MCF2L: variants seen among roughly 807,000 people sequenced by gnomAD.
MCF2L encodes MCF.2 cell line derived transforming sequence like.
A neutral mutation model predicts 153.4 loss-of-function variants in MCF2L; 97 were observed. The observed-to-expected ratio is 0.63, with a 90% CI of 0.54 to 0.75. The LOEUF (loss-of-function observed/expected upper bound fraction) is 0.75, where lower values mean the gene tolerates loss of function less well. MCF2L is among the 30% of genes least tolerant of loss of function. The probability of loss-of-function intolerance (pLI) is 0.00; values close to 1 mark genes in which losing one functional copy is unlikely to be tolerated. For missense variants in MCF2L, 1,347 were observed against 1,495.2 expected (o/e 0.90, Z 1.64); for synonymous variants, 659 against 632.2 (o/e 1.04, Z -0.64).
Position 113,098,850 on chromosome 13 carries a change from T to C in MCF2L, c.*1991T>C, listed in dbSNP as rs2181540. On this transcript the variant is annotated 3_prime_UTR_variant, in exon 30 of 30. Coordinates refer to ENST00000535094, the MANE Select transcript of MCF2L (RefSeq NM_001112732.3). ...ACTCTCCAGACCAGAAAAGGGAGCA[T>C]AAAGAAAGGGTATTGATCCAATAGA... is the stretch of plus-strand genomic sequence containing the variant. The C allele has an allele frequency of 0.15, 22,195 of 152,016 alleles. 1,823 individuals carry two copies. Among genetic ancestry groups the C allele is most frequent in the South Asian group, 0.28 (1,331 of 4,810 alleles). The allele number at this position is 152,016 out of a possible 1,614,324, so 9.4% of individuals were successfully genotyped here.
At chr13:112,961,626 C>T (rs998585822) in intron 2 of MCF2L, among the ~76,000 whole-genome samples, 8 of 152,250 alleles carry the variant, frequency 5.3e-5, no homozygotes, top group Admixed American at 3.3e-4. Context: ...ATGGCCTGGC[C>T]GGGACCTGCA....
At chr13:112,961,307 C>A (rs1004136703) in intron 2 of MCF2L, among the ~76,000 whole-genome samples, 3 of 152,238 alleles carry the variant, frequency 2.0e-5, no homozygotes, top group African/African-American at 4.8e-5. Flanking sequence ...TTGAAAGTGT[C>A]GAGTGATCTT....
At chr13:112,995,640 G>A (rs965511022) in intron 1 of MCF2L, among the ~76,000 whole-genome samples, 7 of 152,226 alleles carry the variant, frequency 4.6e-5, no homozygotes, top group Admixed American at 1.3e-4. Context: ...GTGTGGGACC[G>A]TGCGGGATGC....
chr13:113,087,705 A>G lies in MCF2L; in HGVS notation c.2596-2A>G, dbSNP rs1174904199. 6.2e-7 allele frequency: 1 copy of G among 1,613,638 alleles called. No homozygotes were observed. Among genetic ancestry groups the G allele is most frequent in the Non-Finnish European group, 8.5e-7 (1 of 1,179,682 alleles). ...AACCCCATCTCCACTCTCTGCTCGC[A>G]GATGGCTGCCGTTGGCATTACGGAG... On this transcript the variant is annotated splice_acceptor_variant, in intron 22 of 29. Coordinates refer to ENST00000535094, the MANE Select transcript of MCF2L (RefSeq NM_001112732.3). LOFTEE classifies it high-confidence loss of function.
chr13:113,014,678 C>A, intron 1 of MCF2L, 85 bp from the exon 2 acceptor site: 2 of 1,164,572 alleles, frequency 1.7e-6, no homozygotes, highest in Admixed American at 1.8e-5. Context: ...TGTGGATGTG[C>A]CAGCTCCGTG....
chr13:113,088,675 C>T lies in MCF2L; in HGVS notation c.2834+47C>T, dbSNP rs376621213. The T allele has an allele frequency of 5.0e-5, 79 of 1,577,682 alleles. 1 individual carries two copies. Among genetic ancestry groups the T allele is most frequent in the Non-Finnish European group, 6.2e-5 (72 of 1,165,790 alleles). On this transcript the variant is annotated intron_variant, in intron 25 of 29. Coordinates refer to ENST00000535094, the MANE Select transcript of MCF2L (RefSeq NM_001112732.3). The stretch of plus-strand genomic sequence containing the variant: ...CAGGCCTGCGTTTCTGGAGCAGTCC[C>T]GAGCAGGCCATTTGCACGCCAGGGT...
chr13:112,920,939 A>G (rs2081345953), intron 2 of MCF2L, among the ~76,000 whole-genome samples: 1 of 151,942 alleles, frequency 6.6e-6, no homozygotes, highest in Non-Finnish European at 1.5e-5. Context: ...AGGCCGAGGC[A>G]GGCGGATCAC....
chr13:113,096,550 G>T lies in MCF2L; in HGVS notation c.3189G>T (p.Trp1063Cys). Residue 1063 changes from tryptophan (W) to cysteine (C), a missense_variant and splice_region_variant, in exon 29 of 30, where the codon TGG becomes TGT. Trp to Cys is a radical substitution (Grantham distance 215). Transcript: ENST00000535094. ...ELVQEGDEGLWYVRDPTTGKE... is the reference protein window; with the variant it reads ...ELVQEGDEGLCYVRDPTTGKE... ...TGCCGCTGACCCTCGCCCCTTGCAG[G>T]TACGTCAGGGACCCGACCACTGGCA... 1 of 1,603,356 alleles carries T rather than the reference G, an allele frequency of 6.2e-7. No individual in the cohort carries two copies. Among genetic ancestry groups the T allele is most frequent in the African/African-American group, 1.3e-5 (1 of 74,930 alleles).
At chr13:113,071,376 A>G (rs773297387) in intron 9 of MCF2L, among the ~76,000 whole-genome samples, 1 of 152,168 alleles carries the variant, frequency 6.6e-6, no homozygotes, top group Non-Finnish European at 1.5e-5. Flanking sequence ...CCTCTTTAAC[A>G]GGGTTTTTCA....
intron 1 of MCF2L, among the ~76,000 whole-genome samples, chr13:112,994,785 AC>A (rs2083052563): frequency 6.6e-6 from 1 of 152,150 alleles, no homozygotes; most frequent in African/African-American, 2.4e-5. Context: ...GGTCCCATCT[AC>A]ACAGGTCGGG....
intron 2 of MCF2L, among the ~76,000 whole-genome samples, chr13:113,020,448 T>A (rs1054658463): frequency 1.6e-4 from 25 of 152,234 alleles, no homozygotes; most frequent in Non-Finnish European, 5.9e-5. Flanking sequence ...CTCAGGCTGC[T>A]TGCTGTGACA....
At position 113,097,101 on chromosome 13, in the gene MCF2L, G is replaced by C. The variant is rs1270453062; in HGVS notation, c.*242G>C. 1 of 344,978 alleles carries C rather than the reference G, an allele frequency of 2.9e-6. No individual in the cohort carries two copies. The highest frequency in any genetic ancestry group is 5.2e-6 in the Non-Finnish European group (1 of 192,182). 21.4% of individuals were successfully genotyped at this position (344,978 alleles called of 1,614,324 possible). A position where few individuals can be genotyped will look rare whatever the true frequency, so the allele number is the denominator to read the frequency against. On this transcript the variant is annotated 3_prime_UTR_variant, in exon 30 of 30. Transcript: ENST00000535094. ...GGGGCCGCAGGGAACAGCCCCGGGC[G>C]GCAGGCGCCGGGCAGCGGCATCTCG...
Position 113,031,819 on chromosome 13 carries a change from A to G in MCF2L, c.278+7061A>G, listed in dbSNP as rs1205358718. 6.6e-6 allele frequency among the ~76,000 whole-genome samples: 1 copy of G among 152,190 alleles called. No homozygotes were observed. Among genetic ancestry groups the G allele is most frequent in the East Asian group, 1.9e-4 (1 of 5,150 alleles). On this transcript the variant is annotated intron_variant, in intron 3 of 29. Coordinates refer to ENST00000535094, the MANE Select transcript of MCF2L (RefSeq NM_001112732.3). This position sits in a 1 kb window ranked among gnomAD's most constrained non-coding sequence, Gnocchi z 5.5. The stretch of plus-strand genomic sequence containing the variant: ...GGGTCACATTCAGCCCATAAGAGGC[A>G]TGTACACATACAGATGCACACACGC...
chr13:113,072,591 G>A (rs1339458243), intron 9 of MCF2L, among the ~76,000 whole-genome samples: 1 of 152,164 alleles, frequency 6.6e-6, no homozygotes, highest in East Asian at 1.9e-4. Context: ...GAAACTATCT[G>A]TTTCACAATG....
At chr13:112,968,569 G>T (rs1184506466), upstream of MCF2L, 2 of 1,542,558 alleles carry the variant, frequency 1.3e-6, no homozygotes, top group African/African-American at 1.4e-5. Flanking sequence ...GTCCATCCCC[G>T]GCCAGCCACG....
intron 15 of MCF2L, among the ~76,000 whole-genome samples, chr13:113,080,955 G>A (rs990596140): frequency 3.3e-4 from 51 of 152,342 alleles, no homozygotes; most frequent in African/African-American, 1.1e-3. Flanking sequence ...CCTACCAGGC[G>A]GTGTGTGCCG....
intron 1 of MCF2L, chr13:113,001,917 G>A: frequency 6.3e-7 from 1 of 1,593,734 alleles, no homozygotes; most frequent in South Asian, 1.1e-5. Context: ...CAGCATGACG[G>A]TGCGCCGGCT....
At chr13:113,079,275 A>AGGTGC (rs1414034142) in intron 15 of MCF2L, among the ~76,000 whole-genome samples, 1 of 152,226 alleles carries the variant, frequency 6.6e-6, no homozygotes, top group Non-Finnish European at 1.5e-5. Context: ...TTAAGAAAGA[A>AGGTGC]AGACCTCACT....
At chr13:113,065,181 C>T in intron 7 of MCF2L, 96 bp downstream of exon 7, 1 of 1,476,906 alleles carries the variant, frequency 6.8e-7, no homozygotes, top group Non-Finnish European at 9.3e-7. Context: ...GGTCTTTCGT[C>T]CCAGCGGGAG....
Sources: allele counts gnomAD v4.1 joint callset (sites outside exome capture counted in the v4.1 genomes callset), GRCh38; gene constraint gnomAD v4.1.1; non-coding constraint Gnocchi (gnomAD v3.1); transcripts MANE v1.5; gene names NCBI Gene and HGNC (gene_info 2026-07-23, HGNC 2026-07-21).